Variants in CEACAM5 observed in about 807,000 individuals in gnomAD.
The protein encoded by CEACAM5 is CEA cell adhesion molecule 5, also known as cell adhesion molecule CEACAM5.
CEACAM5 carries 52 observed loss-of-function variants against 63.0 expected under a neutral mutation model. That is an observed-to-expected ratio of 0.83 (90% CI 0.66 to 1.04). The LOEUF (loss-of-function observed/expected upper bound fraction) is 1.04, where lower values mean the gene tolerates loss of function less well. CEACAM5 is among the 50% of genes least tolerant of loss of function. The probability of loss-of-function intolerance (pLI) is 0.00; values close to 1 mark genes in which losing one functional copy is unlikely to be tolerated. For missense variants in CEACAM5, 790 were observed against 864.8 expected, an observed-to-expected ratio of 0.91 and a Z score of 1.08; for synonymous variants, 357 against 351.3, an observed-to-expected ratio of 1.02 and a Z score of -0.18.
In CEACAM5 at chr19:41,721,099, A is replaced by G; in HGVS notation, c.1949A>G (p.Asn650Ser). 6.2e-7 allele frequency: 1 copy of G among 1,614,200 alleles called. No individual in the cohort carries two copies. The highest frequency in any genetic ancestry group is 8.5e-7 in the Non-Finnish European group (1 of 1,180,040). Residue 650 changes from asparagine (N) to serine (S), a missense_variant, in exon 8 of 10, where the codon AAC becomes AGC. By Grantham distance (46) the Asn-to-Ser change is conservative (BLOSUM62 1). Transcript: ENST00000221992. ...LFIAKITPNNNGTYACFVSNL... is the reference protein window; with the variant it reads ...LFIAKITPNNSGTYACFVSNL... The stretch of plus-strand genomic sequence containing the variant: ...ATCGCCAAAATCACGCCAAATAATA[A>G]CGGGACCTATGCCTGTTTTGTCTCT...
intron 8 of CEACAM5, among the ~76,000 whole-genome samples, chr19:41,722,483 A>G (rs1281486883): frequency 3.3e-5 from 5 of 152,184 alleles, no homozygotes; most frequent in African/African-American, 9.7e-5. Context: ...TCTGTACCCA[A>G]TAAACAGTAA....
In CEACAM5 at chr19:41,729,974, C is replaced by A. The variant is rs190629307; in HGVS notation, c.*827C>A. Among the ~76,000 whole-genome samples the A allele has an allele frequency of 1.3e-5, 2 of 152,080 alleles. No homozygotes were observed. Among genetic ancestry groups the A allele is most frequent in the South Asian group, 4.1e-4 (2 of 4,830 alleles). ...ATTACCAAGACTTTGACTAGAATGT[C>A]GTATTTGAGGATATAAACCCATAGG... On this transcript the variant is annotated 3_prime_UTR_variant, in exon 10 of 10. Transcript: ENST00000221992.
chr19:41,716,617 A>G lies in CEACAM5; in HGVS notation c.958+713A>G, dbSNP rs200324439. Among the ~76,000 whole-genome samples, 51 of 152,354 alleles carry G rather than the reference A, an allele frequency of 3.3e-4. No homozygotes were observed. The East Asian group carries it at 8.9e-3, about 27-fold the overall frequency. On this transcript the variant is annotated intron_variant, in intron 4 of 9. Coordinates refer to ENST00000221992, the MANE Select transcript of CEACAM5 (RefSeq NM_004363.6). ...TCACCAGCTATATGAGGCTGTGGGC[A>G]CAGCACATGGGACACAGCACAGGGG...
intron 2 of CEACAM5, among the ~76,000 whole-genome samples, chr19:41,711,055 G>T (rs1030028005): frequency 5.9e-5 from 9 of 152,162 alleles, no homozygotes; most frequent in African/African-American, 1.9e-4. Context: ...CTGGGGGTGG[G>T]TGGGGCTGTT....
At chr19:41,719,706 A>G (rs2072586241) in intron 6 of CEACAM5, among the ~76,000 whole-genome samples, 1 of 152,166 alleles carries the variant, frequency 6.6e-6, no homozygotes, top group East Asian at 1.9e-4. Flanking sequence ...CTGCTGCCCA[A>G]TTCACACTTG....
rs782188880 is a variant in CEACAM5, at chr19:41,715,646, C to T, written c.704-4C>T. The T allele has an allele frequency of 3.7e-6, 6 of 1,614,010 alleles. No homozygotes were observed. In the African/African-American group the frequency reaches 4.0e-5, roughly 11 times the overall value. On this transcript the variant is annotated splice_region_variant and splice_polypyrimidine_tract_variant and intron_variant, in intron 3 of 9. Coordinates refer to ENST00000221992, the MANE Select transcript of CEACAM5 (RefSeq NM_004363.6). ...CACCTGTGGCTTTATTTTGTTTGCTCCAGATGGCCCGGATGCCCCCACCAT... is the reference window on the plus strand; with the variant it reads ...CACCTGTGGCTTTATTTTGTTTGCTTCAGATGGCCCGGATGCCCCCACCAT...
chr19:41,719,209 G>C (rs1207053006), intron 6 of CEACAM5, among the ~76,000 whole-genome samples: 1 of 152,198 alleles, frequency 6.6e-6, no homozygotes, highest in Non-Finnish European at 1.5e-5. Flanking sequence ...AAAAGTGTGT[G>C]TTTATAGACA....
Position 41,715,001 on chromosome 19 carries a change from A to G in CEACAM5, c.455A>G (p.Asn152Ser). The change falls in exon 3 of 10, where the codon AAC (asparagine) becomes AGC (serine). Residue 152 changes from asparagine (N) to serine (S), a missense_variant. Asn to Ser is a conservative substitution (Grantham distance 46). Coordinates refer to ENST00000221992, the MANE Select transcript of CEACAM5 (RefSeq NM_004363.6). ...PELPKPSISS[N>S]NSKPVEDKDA... ...CTGCCCAAGCCCTCCATCTCCAGCA[A>G]CAACTCCAAACCCGTGGAGGACAAG... is the stretch of plus-strand genomic sequence containing the variant. The G allele has an allele frequency of 6.2e-7, 1 of 1,614,210 alleles. No homozygotes were observed. Among genetic ancestry groups the G allele is most frequent in the Non-Finnish European group, 8.5e-7 (1 of 1,180,040 alleles).
At chr19:41,721,349 G>C (rs1213462984) in intron 8 of CEACAM5, among the ~76,000 whole-genome samples, 173 bp downstream of exon 8, 1 of 152,200 alleles carries the variant, frequency 6.6e-6, no homozygotes, top group East Asian at 1.9e-4. Context: ...CTCCTCCCCG[G>C]CTTCTCTGAT....
At position 41,709,872 on chromosome 19, in the gene CEACAM5, C is replaced by T. The variant is rs782327893; in HGVS notation, c.257C>T (p.Thr86Ile). 1 of 1,613,816 alleles carries T rather than the reference C, an allele frequency of 6.2e-7. No individual in the cohort carries two copies. The highest frequency in any genetic ancestry group is 1.1e-5 in the South Asian group (1 of 91,082). ...CAAATTATAGGATATGTAATAGGAA[C>T]TCAACAAGCTACCCCAGGGCCCGCA... ...NRQIIGYVIG[T>I]QQATPGPAYS... is the part of the protein sequence containing the mutation. Residue 86 changes from threonine (T) to isoleucine (I), a missense_variant, in exon 2 of 10, where the codon ACT (threonine) becomes ATT (isoleucine). Physicochemically the swap from Thr to Ile is moderately conservative, Grantham distance 89 (BLOSUM62 -1). Transcript: ENST00000221992.
At chr19:41,722,086 T>A (rs1397385566) in intron 8 of CEACAM5, among the ~76,000 whole-genome samples, 1 of 152,090 alleles carries the variant, frequency 6.6e-6, no homozygotes, top group African/African-American at 2.4e-5. Flanking sequence ...TACAATTAAG[T>A]GAAACAGCAT....
At chr19:41,723,071 C>A (rs1363209073) in intron 8 of CEACAM5, among the ~76,000 whole-genome samples, 4 of 151,032 alleles carry the variant, frequency 2.6e-5, no homozygotes, top group Admixed American at 6.6e-5. Context: ...ACAAGCTTGG[C>A]TAATTTTTTT....
intron 9 of CEACAM5, among the ~76,000 whole-genome samples, chr19:41,727,922 C>G (rs778554470): frequency 1.6e-4 from 25 of 152,208 alleles, no homozygotes; most frequent in Non-Finnish European, 2.9e-4. Context: ...CTCTCCACCC[C>G]ACATGTACAC....
At position 41,720,922 on chromosome 19, in the gene CEACAM5, A is replaced by T; in HGVS notation, c.1772A>T (p.Tyr591Phe). The T allele has an allele frequency of 6.2e-7, 1 of 1,613,846 alleles. No individual in the cohort carries two copies. Among genetic ancestry groups the T allele is most frequent in the Non-Finnish European group, 8.5e-7 (1 of 1,179,944 alleles). The change falls in exon 8 of 10, where the codon TAT becomes TTT. Residue 591 changes from tyrosine (Y) to phenylalanine (F), a missense_variant and splice_region_variant. Coordinates refer to ENST00000221992, the MANE Select transcript of CEACAM5 (RefSeq NM_004363.6). ...RSDPVTLDVL[Y>F]GPDTPIISPP... ...TGTGGCTTTGTTCTCTTTGTTCCAG[A>T]TGGGCCGGACACCCCCATCATTTCC...
chr19:41,724,267 T>C (rs2072668034), intron 8 of CEACAM5, among the ~76,000 whole-genome samples: 1 of 152,222 alleles, frequency 6.6e-6, no homozygotes, highest in African/African-American at 2.4e-5. Flanking sequence ...TTATCAAAAA[T>C]CATTTGGCCA....
chr19:41,724,702 C>G (rs1168626421), intron 8 of CEACAM5, among the ~76,000 whole-genome samples: 1 of 152,084 alleles, frequency 6.6e-6, no homozygotes, highest in Non-Finnish European at 1.5e-5. Context: ...AAGCTTATTT[C>G]TAACTATTTT....
intron 4 of CEACAM5, among the ~76,000 whole-genome samples, chr19:41,716,762 C>T (rs1248339282): frequency 6.6e-6 from 1 of 152,210 alleles, no homozygotes; most frequent in African/African-American, 2.4e-5. Context: ...ATATCTAACA[C>T]AAACTTACCA....
At position 41,730,225 on chromosome 19, in the gene CEACAM5, C is replaced by A. The variant is rs1348364209; in HGVS notation, c.*1078C>A. Reference sequence around the variant, plus strand: ...CACGAGGTCAGGAGATCCAGACCATCCTGGCTAACACAGTGAAACCCCGTC... The same window carrying A: ...CACGAGGTCAGGAGATCCAGACCATACTGGCTAACACAGTGAAACCCCGTC... On this transcript the variant is annotated 3_prime_UTR_variant, in exon 10 of 10. Coordinates refer to ENST00000221992, the MANE Select transcript of CEACAM5 (RefSeq NM_004363.6). Among the ~76,000 whole-genome samples, 1 of 152,048 alleles carries A rather than the reference C, an allele frequency of 6.6e-6. No individual in the cohort carries two copies. The highest frequency in any genetic ancestry group is 1.5e-5 in the Non-Finnish European group (1 of 68,004).
Position 41,720,933 on chromosome 19 carries a change from AC to A in CEACAM5, c.1788del (p.Ile597SerfsTer72). On this transcript the variant is annotated frameshift_variant, in exon 8 of 10. Coordinates refer to ENST00000221992, the MANE Select transcript of CEACAM5 (RefSeq NM_004363.6). LOFTEE classifies it high-confidence loss of function. Reference sequence around the variant, plus strand: ...TCTCTTTGTTCCAGATGGGCCGGACACCCCCATCATTTCCCCCCCAGACTCG... The same window carrying A: ...TCTCTTTGTTCCAGATGGGCCGGACACCCCATCATTTCCCCCCCAGACTCG... Reference protein sequence around the residue: ...VTLDVLYGPDTPIISPPDSSY... With the variant: ...VTLDVLYGPDXPIISPPDSSY... 1 of 1,612,934 alleles carries A rather than the reference AC, an allele frequency of 6.2e-7. No homozygotes were observed. The highest frequency in any genetic ancestry group is 8.5e-7 in the Non-Finnish European group (1 of 1,179,748).
Sources: allele counts gnomAD v4.1 joint callset (sites outside exome capture counted in the v4.1 genomes callset), GRCh38; gene constraint gnomAD v4.1.1; transcripts MANE v1.5; gene names NCBI Gene and HGNC (gene_info 2026-07-23, HGNC 2026-07-21).